SDK1: variants seen among roughly 807,000 people sequenced by gnomAD.
The protein encoded by SDK1 is sidekick cell adhesion molecule 1.
Under a neutral mutation model 245.5 loss-of-function variants are expected in SDK1, and 157 were observed. That is an observed-to-expected ratio of 0.64 (90% CI 0.56 to 0.73). The LOEUF (loss-of-function observed/expected upper bound fraction) is 0.73, where lower values mean the gene tolerates loss of function less well. Ranked by LOEUF, SDK1 falls within the 30% of genes least tolerant of loss-of-function variation. The pLI is 0.00. For missense variants in SDK1, 3,583 were observed against 3,002.3 expected, an observed-to-expected ratio of 1.19 and a Z score of -4.52; for synonymous variants, 1,647 against 1,278.5, an observed-to-expected ratio of 1.29 and a Z score of -6.15.
intron 1 of SDK1, among the ~76,000 whole-genome samples, chr7:3,548,976 T>C (rs1281332291): frequency 6.6e-6 from 1 of 152,224 alleles, no homozygotes. Flanking sequence ...TTACTCTCCC[T>C]ACTATCAATA....
intron 1 of SDK1, among the ~76,000 whole-genome samples, chr7:3,364,249 T>C (rs1233743564): frequency 6.6e-6 from 1 of 152,232 alleles, no homozygotes; most frequent in Non-Finnish European, 1.5e-5. Flanking sequence ...TTCCATTCTT[T>C]TAACAGGGTC....
At chr7:3,891,403 G>A (rs1462837871) in intron 5 of SDK1, among the ~76,000 whole-genome samples, 5 of 152,192 alleles carry the variant, frequency 3.3e-5, no homozygotes, top group Non-Finnish European at 7.4e-5. Context: ...TGGCTGAGCA[G>A]ATTTCTTAAC....
At chr7:3,894,009 G>A (rs1027540369) in intron 5 of SDK1, among the ~76,000 whole-genome samples, 1 of 152,174 alleles carries the variant, frequency 6.6e-6, no homozygotes, top group East Asian at 1.9e-4. Context: ...TAAGATACGA[G>A]AATACAGTCA....
At chr7:3,543,298 G>A (rs185094245) in intron 1 of SDK1, among the ~76,000 whole-genome samples, 4 of 152,354 alleles carry the variant, frequency 2.6e-5, no homozygotes, top group Admixed American at 1.3e-4. Context: ...TTGGCTTCCT[G>A]TTATACTCCT....
At chr7:3,774,415 A>T (rs912323888) in intron 4 of SDK1, among the ~76,000 whole-genome samples, 1 of 152,080 alleles carries the variant, frequency 6.6e-6, no homozygotes, top group South Asian at 2.1e-4. Flanking sequence ...CTTTTTGCCT[A>T]CCAAGGCTCC....
At chr7:3,529,104 G>A (rs797003824) in intron 1 of SDK1, among the ~76,000 whole-genome samples, 36 of 152,258 alleles carry the variant, frequency 2.4e-4, no homozygotes, top group African/African-American at 7.9e-4. Flanking sequence ...TATAAATGTG[G>A]AAAGGGGAAA....
chr7:4,006,842 C>A (rs1370836799), intron 14 of SDK1, among the ~76,000 whole-genome samples: 3 of 152,198 alleles, frequency 2.0e-5, no homozygotes, highest in African/African-American at 7.2e-5. Context: ...GGGTTCTGGA[C>A]TTTCAGGAGC....
intron 4 of SDK1, among the ~76,000 whole-genome samples, chr7:3,689,169 CA>C (rs1352376744): frequency 6.6e-6 from 1 of 152,128 alleles, no homozygotes; most frequent in Non-Finnish European, 1.5e-5. Flanking sequence ...TGGCCCTTTA[CA>C]GAAAATGCTT....
At position 3,891,987 on chromosome 7, in the gene SDK1, T is replaced by G. The variant is rs73036480; in HGVS notation, c.848-58936T>G. On this transcript the variant is annotated intron_variant, in intron 5 of 44. Transcript: ENST00000404826. ...AGTTCACACAGGCAAGATTCTGTTT[T>G]GAAAACAAGTTTAGTTAGGCCAATT... 1.9e-3 allele frequency among the ~76,000 whole-genome samples: 284 copies of G among 152,346 alleles called. 2 individuals carry two copies. Among genetic ancestry groups the G allele is most frequent in the Non-Finnish European group, 3.1e-3 (211 of 68,030 alleles).
At chr7:3,959,884 G>T (rs1380640329) in intron 8 of SDK1, among the ~76,000 whole-genome samples, 1 of 151,426 alleles carries the variant, frequency 6.6e-6, no homozygotes, top group Non-Finnish European at 1.5e-5. Flanking sequence ...ATTACAAGCT[G>T]CCCACTGTCA....
Position 3,454,616 on chromosome 7 carries a change from G to A in SDK1, c.298+152732G>A, listed in dbSNP as rs1021628969. Among the ~76,000 whole-genome samples, 3 of 152,114 alleles carry A rather than the reference G, an allele frequency of 2.0e-5. No individual in the cohort carries two copies. The East Asian group carries it at 5.8e-4, about 29-fold the overall frequency. On this transcript the variant is annotated intron_variant, in intron 1 of 44. Transcript: ENST00000404826. ...TATAATACGGTATGTAACCTTTTGGGATTTGCTGCTTTACTCAGCATAATT... is the reference window on the plus strand; with the variant it reads ...TATAATACGGTATGTAACCTTTTGGAATTTGCTGCTTTACTCAGCATAATT...
At chr7:3,444,558 T>C (rs1780291300) in intron 1 of SDK1, among the ~76,000 whole-genome samples, 3 of 152,198 alleles carry the variant, frequency 2.0e-5, no homozygotes, top group African/African-American at 7.2e-5. Context: ...CAAAATTCTG[T>C]TTAAAATGGG....
chr7:3,840,911 A>G (rs2115087759), intron 5 of SDK1, among the ~76,000 whole-genome samples: 1 of 152,322 alleles, frequency 6.6e-6, no homozygotes, highest in African/African-American at 2.4e-5. Context: ...AAATTTGAGA[A>G]GGACCACCCT....
chr7:3,575,959 G>A (rs1365875425), intron 1 of SDK1, among the ~76,000 whole-genome samples: 1 of 152,012 alleles, frequency 6.6e-6, no homozygotes, highest in Admixed American at 6.5e-5. Context: ...TGTGAGCCAG[G>A]TCACCAGTGA....
chr7:3,418,303 C>G (rs148348673), intron 1 of SDK1, among the ~76,000 whole-genome samples: 1 of 151,988 alleles, frequency 6.6e-6, no homozygotes, highest in Admixed American at 6.6e-5. Flanking sequence ...GGCGACAGAG[C>G]GAGACTCCAT....
intron 1 of SDK1, among the ~76,000 whole-genome samples, chr7:3,613,738 A>G (rs138300441): frequency 0.023 from 3,550 of 152,326 alleles, 147 homozygotes; most frequent in African/African-American, 0.08. Context: ...ATACCCATCA[A>G]TGATAGACTG....
intron 1 of SDK1, among the ~76,000 whole-genome samples, chr7:3,610,867 T>G (rs1339730972): frequency 2.6e-5 from 4 of 152,370 alleles, no homozygotes; most frequent in Admixed American, 6.5e-5. Flanking sequence ...TGTTTTCACA[T>G]GGACTGACTC....
chr7:3,944,341 A>G (rs754434906), intron 5 of SDK1, among the ~76,000 whole-genome samples: 6 of 152,250 alleles, frequency 3.9e-5, no homozygotes, highest in Admixed American at 3.9e-4. Flanking sequence ...TTGTGGCTGC[A>G]TGGCAGCTTG....
At chr7:4,126,954 TCC>T (rs981938333) in intron 25 of SDK1, among the ~76,000 whole-genome samples, 1 of 152,146 alleles carries the variant, frequency 6.6e-6, no homozygotes, top group African/African-American at 2.4e-5. Flanking sequence ...TACCCTCCCT[TCC>T]CCTTCTTTTG....
Sources: allele counts gnomAD v4.1 joint callset (sites outside exome capture counted in the v4.1 genomes callset), GRCh38; gene constraint gnomAD v4.1.1; transcripts MANE v1.5; gene names NCBI Gene and HGNC (gene_info 2026-07-23, HGNC 2026-07-21).